IQGAP1: variants seen among roughly 807,000 people sequenced by gnomAD.
IQGAP1 encodes the protein IQ motif containing GTPase activating protein 1, also known as ras GTPase-activating-like protein IQGAP1.
IQGAP1 carries 66 observed loss-of-function variants against 215.6 expected under a neutral mutation model. That is an observed-to-expected ratio of 0.31 (90% confidence interval 0.25 to 0.38). The LOEUF (loss-of-function observed/expected upper bound fraction) is 0.38. Ranked by LOEUF, IQGAP1 falls within the 10% of genes least tolerant of loss-of-function variation. The pLI, the probability that IQGAP1 is intolerant of heterozygous loss-of-function variation, is 1.00. For missense variants in IQGAP1, 1,712 were observed against 1,997.1 expected, an observed-to-expected ratio of 0.86 and a Z score of 2.72; for synonymous variants, 772 against 728.7, an observed-to-expected ratio of 1.06 and a Z score of -0.96.
chr15:90,394,951 A>G (rs998087263), intron 2 of IQGAP1, among the ~76,000 whole-genome samples: 2 of 152,190 alleles, frequency 1.3e-5, no homozygotes, highest in Non-Finnish European at 2.9e-5. Context: ...GGCAGTGAGT[A>G]TAAGTAAGAG....
chr15:90,467,661 A>G, intron 18 of IQGAP1, 69 bp downstream of exon 18: 1 of 1,479,292 alleles, frequency 6.8e-7, no homozygotes, highest in Non-Finnish European at 9.1e-7. Flanking sequence ...ATTAATTAAG[A>G]GGAACAGGGC....
chr15:90,416,217 C>T (rs1228697539), intron 2 of IQGAP1, among the ~76,000 whole-genome samples: 3 of 152,000 alleles, frequency 2.0e-5, no homozygotes, highest in Non-Finnish European at 4.4e-5. Flanking sequence ...TCCCATGTCC[C>T]TACAAAGGAC....
intron 2 of IQGAP1, among the ~76,000 whole-genome samples, chr15:90,400,080 C>A (rs1185940602): frequency 2.0e-5 from 3 of 151,968 alleles, no homozygotes; most frequent in Non-Finnish European, 4.4e-5. Context: ...ATAAACATTT[C>A]CCCAGTTAAC....
chr15:90,469,560 C>CTGTCTCT (rs1365379720), intron 18 of IQGAP1, among the ~76,000 whole-genome samples: 1 of 152,166 alleles, frequency 6.6e-6, no homozygotes, highest in Non-Finnish European at 1.5e-5. Flanking sequence ...AAATATGTAT[C>CTGTCTCT]AGAGAGTCTC....
intron 23 of IQGAP1, chr15:90,475,903 G>A (rs1965973244): frequency 6.6e-6 from 1 of 151,318 alleles, no homozygotes; most frequent in South Asian, 2.1e-4. Flanking sequence ...TAAAGGATAA[G>A]ACTCTTTCCC....
intron 7 of IQGAP1, 35 bp from the exon 8 acceptor site, chr15:90,441,471 T>G: frequency 6.4e-7 from 1 of 1,562,378 alleles, no homozygotes; most frequent in Non-Finnish European, 8.8e-7. Flanking sequence ...AATCTCAGTG[T>G]TTTTGTTGGT....
Position 90,477,155 on chromosome 15 carries a change from A to G in IQGAP1, c.3029A>G (p.Tyr1010Cys). 1 of 1,614,068 alleles carries G rather than the reference A, an allele frequency of 6.2e-7. No individual in the cohort carries two copies. The highest frequency in any genetic ancestry group is 8.5e-7 in the Non-Finnish European group (1 of 1,179,978). ...ATGGACTCTGTAATCTTCACACTCT[A>G]CAACTACGCGTCCAACCAGCGAGAG... The part of the protein sequence containing the change: ...KFMDSVIFTL[Y>C]NYASNQREEY... Residue 1010 changes from tyrosine to cysteine, a missense_variant, in exon 25 of 38, where the codon TAC (tyrosine) becomes TGC (cysteine). Transcript: ENST00000268182.
chr15:90,388,298 C>G lies in IQGAP1; in HGVS notation c.-44C>G, dbSNP rs758804480. 2 of 1,596,938 alleles carry G rather than the reference C, an allele frequency of 1.3e-6. No individual in the cohort carries two copies. The highest frequency in any genetic ancestry group is 1.7e-6 in the Non-Finnish European group (2 of 1,172,888). On this transcript the variant is annotated 5_prime_UTR_variant, in exon 1 of 38. Coordinates refer to ENST00000268182, the MANE Select transcript of IQGAP1 (RefSeq NM_003870.4). Reference sequence around the variant, plus strand: ...CTGTAGCTACCGCCGTCCGCGCCTCCAAGGTTTCACGGCTTCCTCAGCAGA... The same window carrying G: ...CTGTAGCTACCGCCGTCCGCGCCTCGAAGGTTTCACGGCTTCCTCAGCAGA...
chr15:90,394,890 C>T (rs753179102), intron 2 of IQGAP1, among the ~76,000 whole-genome samples: 1 of 152,198 alleles, frequency 6.6e-6, no homozygotes, highest in Non-Finnish European at 1.5e-5. Context: ...TAACAGAGCT[C>T]TTTCTTGGGA....
chr15:90,484,122 C>T (rs1966094114), intron 29 of IQGAP1, 98 bp from the exon 30 acceptor site: 2 of 1,047,246 alleles, frequency 1.9e-6, no homozygotes, highest in Non-Finnish European at 1.4e-6. Flanking sequence ...TGACTGGCTT[C>T]TGTTTGCACT....
chr15:90,481,515 A>G (rs1966059041), intron 26 of IQGAP1, among the ~76,000 whole-genome samples: 1 of 151,668 alleles, frequency 6.6e-6, no homozygotes, highest in Admixed American at 6.6e-5. Flanking sequence ...CTTCCTTCCT[A>G]GAAGACTCTT....
chr15:90,499,865 T>TCACATCTGGCACACAAGGCAGGC, intron 37 of IQGAP1, 130 bp from the exon 38 acceptor site: 1 of 616,926 alleles, frequency 1.6e-6, no homozygotes, highest in East Asian at 2.8e-5. Context: ...TCGCCCCAGT[T>TCACATCTGGCACACAAGGCAGGC]CACATCTGGC....
intron 5 of IQGAP1, among the ~76,000 whole-genome samples, chr15:90,435,978 A>G (rs1247709346): frequency 2.0e-5 from 3 of 151,418 alleles, no homozygotes; most frequent in Admixed American, 2.0e-4. Context: ...CAGGTTCCTC[A>G]CCTTGCTATA....
chr15:90,395,578 C>T (rs1796453359), intron 2 of IQGAP1, among the ~76,000 whole-genome samples: 1 of 152,198 alleles, frequency 6.6e-6, no homozygotes, highest in African/African-American at 2.4e-5. Context: ...CCTTGGCCTC[C>T]CACAGTGCTG....
intron 2 of IQGAP1, among the ~76,000 whole-genome samples, chr15:90,397,215 GA>G (rs2151001708): frequency 6.6e-6 from 1 of 152,300 alleles, no homozygotes; most frequent in East Asian, 1.9e-4. Flanking sequence ...TTATTATTAA[GA>G]AAAGTCATGT....
intron 5 of IQGAP1, among the ~76,000 whole-genome samples, chr15:90,437,055 T>G (rs756911128): frequency 6.6e-6 from 1 of 150,872 alleles, no homozygotes; most frequent in Non-Finnish European, 1.5e-5. Context: ...GGCTTAAGGT[T>G]CCACAGCCTG....
intron 15 of IQGAP1, among the ~76,000 whole-genome samples, chr15:90,458,163 T>C (rs1404504952): frequency 1.3e-5 from 2 of 152,254 alleles, no homozygotes; most frequent in Admixed American, 1.3e-4. Flanking sequence ...CTGGCTTCTT[T>C]TAGCTTAGTT....
intron 8 of IQGAP1, among the ~76,000 whole-genome samples, chr15:90,442,459 A>G (rs998505039): frequency 9.9e-5 from 15 of 152,140 alleles, no homozygotes; most frequent in Non-Finnish European, 1.8e-4. Flanking sequence ...GGGAAAAAAA[A>G]AACTTCACAC....
intron 2 of IQGAP1, among the ~76,000 whole-genome samples, chr15:90,400,769 A>G (rs1452697673): frequency 6.6e-6 from 1 of 152,184 alleles, no homozygotes; most frequent in East Asian, 1.9e-4. Context: ...GTAAAAATAC[A>G]TTTGAGGACC....
Sources: allele counts gnomAD v4.1 joint callset (sites outside exome capture counted in the v4.1 genomes callset), GRCh38; gene constraint gnomAD v4.1.1; transcripts MANE v1.5; gene names NCBI Gene and HGNC (gene_info 2026-07-23, HGNC 2026-07-21).